The following PIEZO1 variants were observed in gnomAD, a reference collection of about 807,000 sequenced individuals.
PIEZO1 encodes the protein piezo type mechanosensitive ion channel component 1 (Er blood group).
In PIEZO1, 296 loss-of-function variants were observed where a neutral mutation model predicts 297.2. That is an observed-to-expected ratio of 1.00 (90% CI 0.91 to 1.10). The LOEUF is 1.10. PIEZO1 is among the 50% of genes least tolerant of loss of function. The pLI, the probability that PIEZO1 is intolerant of heterozygous loss-of-function variation, is 0.00. For missense variants in PIEZO1, 5,018 were observed against 3,455.5 expected (o/e 1.45, Z -11.34); for synonymous variants, 2,427 against 1,507.5 (o/e 1.61, Z -14.13).
At chr16:88,775,102 C>T (rs552751669) in intron 1 of PIEZO1, among the ~76,000 whole-genome samples, 34 of 152,184 alleles carry the variant, frequency 2.2e-4, no homozygotes, top group Non-Finnish European at 4.4e-4. Flanking sequence ...ACACCCAGGA[C>T]GTAACGGAGT....
At chr16:88,722,427 C>A (rs927536584) in intron 35 of PIEZO1, 30 bp from the exon 36 acceptor site, 1 of 1,480,646 alleles carries the variant, frequency 6.8e-7, no homozygotes, top group Non-Finnish European at 9.0e-7. Flanking sequence ...CACAGAGAAT[C>A]CTGCTCTATG....
intron 1 of PIEZO1, among the ~76,000 whole-genome samples, chr16:88,765,758 C>A (rs533753260): frequency 2.0e-5 from 3 of 151,330 alleles, no homozygotes; most frequent in African/African-American, 7.3e-5. Context: ...ACTACAACCT[C>A]TACCTCCTGG....
intron 22 of PIEZO1, among the ~76,000 whole-genome samples, chr16:88,728,457 C>T (rs1406171617): frequency 6.7e-6 from 1 of 149,768 alleles, no homozygotes; most frequent in Non-Finnish European, 1.5e-5. Flanking sequence ...ACAGAGGGAA[C>T]CTCGCGACCC....
Position 88,719,942 on chromosome 16 carries a change from C to G in PIEZO1, c.6183G>C (p.Val2061=), listed in dbSNP as rs1205310308. 1 of 1,550,364 alleles carries G rather than the reference C, an allele frequency of 6.5e-7. No homozygotes were observed. The highest frequency in any genetic ancestry group is 8.7e-7 in the Non-Finnish European group (1 of 1,146,940). The change falls in exon 43 of 51, where the codon GTG becomes GTC. Residue 2061 remains valine (V), a synonymous_variant. Transcript: ENST00000301015. ...AVTERMFNQN[V]VAQLWYFVKC... ...TCACGAAGTACCAGAGCTGGGCCAC[C>G]ACATTCTGGTTGAACATCCTGGGGC...
intron 1 of PIEZO1, among the ~76,000 whole-genome samples, chr16:88,782,957 A>T (rs959776264): frequency 3.3e-5 from 5 of 152,366 alleles, no homozygotes; most frequent in African/African-American, 1.2e-4. Flanking sequence ...ACACAGAATC[A>T]GTGTGGGGTA....
At position 88,734,442 on chromosome 16, in the gene PIEZO1, C is replaced by T. The variant is rs1464805757; in HGVS notation, c.2094G>A (p.Leu698=). 4 of 1,549,852 alleles carry T rather than the reference C, an allele frequency of 2.6e-6. No individual in the cohort carries two copies. The highest frequency in any genetic ancestry group is 3.5e-6 in the Non-Finnish European group (4 of 1,146,732). ...GFFLLACILQ[L]HYFHRPFMQL... The stretch of plus-strand genomic sequence containing the variant: ...GCATGAAGGGCCTGTGGAAGTAGTG[C>T]AGCTGCAGGATGCAGGCCAGGAGGA... Residue 698 remains leucine, a synonymous_variant, in exon 16 of 51, where the codon CTG becomes CTA. Coordinates refer to ENST00000301015, the MANE Select transcript of PIEZO1 (RefSeq NM_001142864.4).
rs964109133 is a variant in PIEZO1 at position 88,721,988 on chromosome 16, G to C, written c.5034C>G (p.Ala1678=). 1.3e-6 allele frequency: 2 copies of C among 1,549,630 alleles called. No homozygotes were observed. Among genetic ancestry groups the C allele is most frequent in the African/African-American group, 2.7e-5 (2 of 73,026 alleles). The change falls in exon 37 of 51, where the codon GCC becomes GCG. Residue 1678 remains alanine, a synonymous_variant. Coordinates refer to ENST00000301015, the MANE Select transcript of PIEZO1 (RefSeq NM_001142864.4). The part of the protein sequence containing the change: ...GQGRALRLLR[A]VYQCVAAHSE... ...AGTGGGCGGCCACACACTGGTACACGGCCCGCAGCAGCCGCAGCGCCCGGC... is the reference window on the plus strand; with the variant it reads ...AGTGGGCGGCCACACACTGGTACACCGCCCGCAGCAGCCGCAGCGCCCGGC...
intron 1 of PIEZO1, among the ~76,000 whole-genome samples, chr16:88,773,437 G>A (rs1373075569): frequency 4.6e-5 from 7 of 152,262 alleles, no homozygotes; most frequent in Admixed American, 4.6e-4. Flanking sequence ...CCAGGCGACC[G>A]ATGGGCGCAG....
intron 2 of PIEZO1, chr16:88,742,811 G>T: frequency 2.9e-6 from 1 of 340,710 alleles, no homozygotes. Flanking sequence ...ACCCCAGTGG[G>T]GGCTGCAGGT....
In PIEZO1 at chr16:88,749,563, C is replaced by T. The variant is rs528374450; in HGVS notation, c.65-84G>A. On this transcript the variant is annotated intron_variant, in intron 1 of 50. Transcript: ENST00000301015. The stretch of plus-strand genomic sequence containing the variant: ...AGGACAGCGCACCCACGGCCCAGCT[C>T]GTCACACCGCCGAGGCCGTGTGCCC... 3.2e-4 allele frequency: 329 copies of T among 1,033,440 alleles called. 2 individuals carry two copies. The African/African-American group carries it at 4.9e-3, about 15-fold the overall frequency. The allele number at this position is 1,033,440 out of a possible 1,614,324, so 64.0% of individuals were successfully genotyped here.
chr16:88,717,248 G>A (rs1912116321), intron 44 of PIEZO1, 37 bp from the exon 45 acceptor site: 2 of 1,526,776 alleles, frequency 1.3e-6, no homozygotes, highest in Middle Eastern at 1.7e-4. Flanking sequence ...GCTCAGCTCT[G>A]CCCTTCCTGC....
chr16:88,770,887 G>A (rs1027128448), intron 1 of PIEZO1, among the ~76,000 whole-genome samples: 4 of 152,240 alleles, frequency 2.6e-5, no homozygotes, highest in African/African-American at 9.6e-5. Flanking sequence ...CTGGGGGCTT[G>A]GGCGAGGAGC....
chr16:88,738,163 CT>C, intron 7 of PIEZO1, 58 bp from the exon 8 acceptor site: 1 of 1,533,594 alleles, frequency 6.5e-7, no homozygotes, highest in Non-Finnish European at 8.7e-7. Context: ...GCCACAGGGG[CT>C]AGACGAGCCA....
At chr16:88,730,890 G>C (rs1904757203) in intron 22 of PIEZO1, among the ~76,000 whole-genome samples, 1 of 152,224 alleles carries the variant, frequency 6.6e-6, no homozygotes, top group African/African-American at 2.4e-5. Context: ...GACACACAGA[G>C]ACAGCAGAGA....
At chr16:88,719,240 T>C (rs895570595) in intron 44 of PIEZO1, 4 of 298,558 alleles carry the variant, frequency 1.3e-5, no homozygotes, top group African/African-American at 6.5e-5. Context: ...GGGGGAGTGG[T>C]CTGACGCACG....
intron 1 of PIEZO1, among the ~76,000 whole-genome samples, chr16:88,773,058 T>G (rs1393353181): frequency 1.3e-5 from 2 of 152,198 alleles, no homozygotes; most frequent in Non-Finnish European, 1.5e-5. Context: ...CTTCTGGCAC[T>G]CCAGGGAGCT....
chr16:88,742,846 C>T (rs942392629), intron 2 of PIEZO1: 5 of 348,650 alleles, frequency 1.4e-5, no homozygotes, highest in Non-Finnish European at 2.3e-5. Context: ...GCATGCGGAG[C>T]GCCCCTGAGC....
chr16:88,738,796 C>A (rs1905438307), intron 5 of PIEZO1, 60 bp from the exon 6 acceptor site: 2 of 1,417,044 alleles, frequency 1.4e-6, no homozygotes, highest in Admixed American at 4.2e-5. Context: ...ACCTCTCCAG[C>A]CCACACCTGC....
chr16:88,715,902 C>G (rs1241302211), intron 50 of PIEZO1, 31 bp downstream of exon 50: 1 of 1,534,694 alleles, frequency 6.5e-7, no homozygotes, highest in Non-Finnish European at 8.8e-7. Context: ...GCCCCCCGAG[C>G]TGCGGGGTGC....
Sources: gnomAD v4.1 joint callset for allele counts (sites outside exome capture counted in the v4.1 genomes callset) on GRCh38, gnomAD v4.1.1 for gene constraint, MANE v1.5 for transcripts, NCBI Gene and HGNC (gene_info 2026-07-23, HGNC 2026-07-21) for gene names.